The following SRP54 variants were observed in gnomAD, a reference collection of about 807,000 sequenced individuals.
The protein encoded by SRP54 is signal recognition particle subunit SRP54.
SRP54 carries 10 observed loss-of-function variants against 64.8 expected under a neutral mutation model. The observed-to-expected ratio is 0.15, with a 90% CI of 0.10 to 0.26. The LOEUF (loss-of-function observed/expected upper bound fraction) is 0.26, where lower values mean the gene tolerates loss of function less well. SRP54 is among the 10% of genes least tolerant of loss of function. The probability of loss-of-function intolerance (pLI) is 1.00; values close to 1 mark genes in which losing one functional copy is unlikely to be tolerated. For synonymous variants in SRP54, 193 were observed against 185.6 expected (o/e 1.04, Z -0.32); for missense variants, 325 against 613.7 (o/e 0.53, Z 4.97).
chr14:35,025,657 TAAAC>T (rs780872890), intron 14 of SRP54, among the ~76,000 whole-genome samples: 17 of 152,348 alleles, frequency 1.1e-4, no homozygotes, highest in African/African-American at 1.7e-4. Context: ...TAAATGCTGA[TAAAC>T]AAACTCTTAG....
rs1384552218 is a variant in SRP54 at position 34,988,578 on chromosome 14, A to AAAAATATAT, written c.-34+5364_-34+5365insAAATATATA. 8.7e-3 allele frequency among the ~76,000 whole-genome samples: 409 copies of AAAAATATAT among 47,060 alleles called. 20 individuals are homozygous for AAAAATATAT. The highest frequency in any genetic ancestry group is 0.014 in the African/African-American group (203 of 14,898). The allele number at this position is 47,060 out of a possible 152,430, so 30.9% of individuals were successfully genotyped here. ...TCCATCTCAAAAAAAAAAAAAAAAA[A>AAAAATATAT]ATATATATATATATATAACATATAT... On this transcript the variant is annotated intron_variant, in intron 1 of 15. Transcript: ENST00000216774.
intron 1 of SRP54, among the ~76,000 whole-genome samples, chr14:34,995,134 G>GGT (rs35829734): frequency 0.096 from 6,679 of 69,864 alleles, 254 homozygotes; most frequent in East Asian, 0.17. Context: ...ATCAATAAAG[G>GGT]GTGTGTGTGT....
At chr14:34,998,993 GTGTGTGTGTGTGTGTGTGT>G in intron 2 of SRP54, among the ~76,000 whole-genome samples, 1 of 93,194 alleles carries the variant, frequency 1.1e-5, no homozygotes, top group African/African-American at 3.4e-5. Context: ...GTGTGTGTGT[GTGTGTGTGTGTGTGTGTGT>G]GGTTTTTTTT....
In SRP54 at chr14:34,991,124, T is replaced by TGTTG. The variant is rs1555352952; in HGVS notation, c.-33-5553_-33-5552insGTTG. On this transcript the variant is annotated intron_variant, in intron 1 of 15. Coordinates refer to ENST00000216774, the MANE Select transcript of SRP54 (RefSeq NM_003136.4). Reference sequence around the variant, plus strand: ...AATTTCTTTTCTTTTTTTTTTTTTTTTTTTTGTTGTTGTTGTTGTTGTTGA... The same window carrying TGTTG: ...AATTTCTTTTCTTTTTTTTTTTTTTTGTTGTTTTTGTTGTTGTTGTTGTTGTTGA... 3.2e-4 allele frequency among the ~76,000 whole-genome samples: 33 copies of TGTTG among 102,394 alleles called. No individual in the cohort carries two copies. The East Asian group carries it at 6.5e-3, about 20-fold the overall frequency. 67.2% of individuals were successfully genotyped at this position (102,394 alleles called of 152,430 possible).
chr14:35,018,945 T>G, intron 12 of SRP54, 21 bp from the exon 13 acceptor site: 1 of 1,601,820 alleles, frequency 6.2e-7, no homozygotes, highest in South Asian at 1.1e-5. Context: ...ACTATTGACT[T>G]TATGTTTAAA....
chr14:35,028,971 A>T, intron 15 of SRP54, 90 bp from the exon 16 acceptor site: 1 of 1,023,972 alleles, frequency 9.8e-7, no homozygotes, highest in Non-Finnish European at 1.5e-6. Flanking sequence ...CAGTATTTTT[A>T]GAAGTACTTA....
chr14:35,014,274 A>AC, intron 10 of SRP54, among the ~76,000 whole-genome samples: 1 of 111,478 alleles, frequency 9.0e-6, no homozygotes, highest in African/African-American at 3.2e-5. Context: ...TTGCCACTTA[A>AC]CTTTTTTTTT....
intron 1 of SRP54, among the ~76,000 whole-genome samples, chr14:34,985,531 G>T (rs1446335843): frequency 6.6e-6 from 1 of 152,104 alleles, no homozygotes; most frequent in African/African-American, 2.4e-5. Flanking sequence ...GCCACATCTT[G>T]TCTCAACTAG....
At chr14:35,011,413 G>T in intron 7 of SRP54, 96 bp from the exon 8 acceptor site, 1 of 976,664 alleles carries the variant, frequency 1.0e-6, no homozygotes, top group Non-Finnish European at 1.4e-6. Flanking sequence ...GGTCATTTTG[G>T]CTTTTTCAAA....
At position 35,004,181 on chromosome 14, in the gene SRP54, C is replaced by T. The variant is rs143282972; in HGVS notation, c.256-3102C>T. Among the ~76,000 whole-genome samples the T allele has an allele frequency of 8.7e-4, 132 of 152,000 alleles. 2 individuals are homozygous for T. Among genetic ancestry groups the T allele is most frequent in the African/African-American group, 3.1e-3 (127 of 41,446 alleles). The stretch of plus-strand genomic sequence containing the variant: ...AGGAGAATGGCTTGAACCTGGGAGG[C>T]AGAGGTTGCAGTGAGCTGAGATGAC... On this transcript the variant is annotated intron_variant, in intron 4 of 15. Transcript: ENST00000216774.
At position 35,008,686 on chromosome 14, in the gene SRP54, C is replaced by G; in HGVS notation, c.420C>G (p.Phe140Leu). The change falls in exon 6 of 16, where the codon TTC becomes TTG. Residue 140 changes from phenylalanine (F) to leucine (L), a missense_variant. Physicochemically the swap from Phe to Leu is conservative, Grantham distance 22. This residue lies in a region of SRP54 where 156 missense variants were observed against 254.6 expected (regional missense o/e 0.61). Transcript: ENST00000216774. ...CCTGTTTAATATGTGCAGACACATT[C>G]AGAGCAGGTAATGTCTTGAAATTTG... ...WKTCLICADT[F>L]RAGAFDQLKQ... The G allele has an allele frequency of 6.2e-7, 1 of 1,607,522 alleles. No individual in the cohort carries two copies.
intron 4 of SRP54, among the ~76,000 whole-genome samples, chr14:35,002,424 C>T (rs1420525294): frequency 8.6e-5 from 13 of 151,690 alleles, no homozygotes; most frequent in Non-Finnish European, 1.2e-4. Context: ...ATTTTTCCCC[C>T]ACATTGTTTG....
At chr14:34,991,151 A>G (rs2043971235) in intron 1 of SRP54, among the ~76,000 whole-genome samples, 2 of 106,666 alleles carry the variant, frequency 1.9e-5, no homozygotes, top group South Asian at 3.2e-4. Flanking sequence ...TGTTGTTGAG[A>G]TGGAGTTTTG....
At chr14:35,006,939 C>G (rs529016170) in intron 4 of SRP54, among the ~76,000 whole-genome samples, 6 of 152,202 alleles carry the variant, frequency 3.9e-5, no homozygotes, top group African/African-American at 1.4e-4. Context: ...GCCTGAAATC[C>G]CAGCACTTTG....
At chr14:35,020,760 C>T (rs1051422104) in intron 13 of SRP54, among the ~76,000 whole-genome samples, 2 of 152,200 alleles carry the variant, frequency 1.3e-5, no homozygotes, top group Non-Finnish European at 2.9e-5. Context: ...GTGCCAGGCA[C>T]TGTCCTGAGC....
rs541234312 is a variant in SRP54 at position 35,007,915 on chromosome 14, T to A, written c.360+528T>A. ...GAGGAGAGGTCCTCATAGTTTCTTA[T>A]GATTTTTTTTTTGTAAGAAGGTAGA... On this transcript the variant is annotated intron_variant, in intron 5 of 15. Coordinates refer to ENST00000216774, the MANE Select transcript of SRP54 (RefSeq NM_003136.4). Among the ~76,000 whole-genome samples, 949 of 151,720 alleles carry A rather than the reference T, an allele frequency of 6.3e-3. 14 individuals are homozygous for A. Among genetic ancestry groups the A allele is most frequent in the African/African-American group, 0.022 (917 of 41,424 alleles).
At chr14:35,009,898 G>T (rs1246229730) in intron 7 of SRP54, among the ~76,000 whole-genome samples, 1 of 151,748 alleles carries the variant, frequency 6.6e-6, no homozygotes, top group Non-Finnish European at 1.5e-5. Context: ...CAGGCTGGGC[G>T]CACCACGTTG....
chr14:35,011,363 T>TAGG (rs1566651375), intron 7 of SRP54, 146 bp from the exon 8 acceptor site: 1 of 498,032 alleles, frequency 2.0e-6, no homozygotes, highest in Non-Finnish European at 3.3e-6. Flanking sequence ...GATTCTGTAT[T>TAGG]TAATACTTTA....
chr14:34,997,982 G>A (rs560495975), intron 2 of SRP54, among the ~76,000 whole-genome samples: 1 of 152,144 alleles, frequency 6.6e-6, no homozygotes, highest in African/African-American at 2.4e-5. Flanking sequence ...TTGGTGGGAG[G>A]TAGAGTAACA....
Sources: gnomAD v4.1 joint callset for allele counts (sites outside exome capture counted in the v4.1 genomes callset) on GRCh38, gnomAD v4.1.1 for gene constraint, gnomAD v4.1.1 regional missense constraint, MANE v1.5 for transcripts, NCBI Gene and HGNC (gene_info 2026-07-23, HGNC 2026-07-21) for gene names.